Variants in FBXO16 observed in about 807,000 individuals in gnomAD.
FBXO16 encodes the protein F-box protein 16.
A neutral mutation model predicts 41.0 loss-of-function variants in FBXO16; 31 were observed. The ratio of observed to expected loss-of-function variants is 0.76; its 90% CI spans 0.57 to 1.02. The LOEUF (loss-of-function observed/expected upper bound fraction) is 1.02, where lower values mean the gene tolerates loss of function less well. Ranked by LOEUF, FBXO16 falls within the 50% of genes least tolerant of loss-of-function variation. The probability of loss-of-function intolerance (pLI) is 0.00; values close to 1 mark genes in which losing one functional copy is unlikely to be tolerated. For missense variants in FBXO16, 361 were observed against 346.2 expected (o/e 1.04, Z -0.34); for synonymous variants, 133 against 117.8 (o/e 1.13, Z -0.84).
chr8:28,474,364 GAAGA>G, intron 2 of FBXO16, among the ~76,000 whole-genome samples: 1 of 77,580 alleles, frequency 1.3e-5, no homozygotes, highest in South Asian at 4.0e-4. Flanking sequence ...GAGAGAGAAA[GAAGA>G]AAAGAAAAAA....
At chr8:28,477,959 G>A (rs1803449698) in intron 2 of FBXO16, among the ~76,000 whole-genome samples, 1 of 152,306 alleles carries the variant, frequency 6.6e-6, no homozygotes, top group Admixed American at 6.5e-5. Flanking sequence ...GCTGCAGTGA[G>A]CCGTGATTGT....
In FBXO16 at chr8:28,463,659, A is replaced by C. The variant is rs982079628; in HGVS notation, c.295T>G (p.Tyr99Asp). Residue 99 changes from tyrosine (Y) to aspartate (D), a missense_variant, in exon 4 of 9, where the codon TAC becomes GAC. Tyr to Asp is a radical substitution (Grantham distance 160). Transcript: ENST00000380254. The part of the protein sequence containing the change: ...TTKLPRVLSL[Y>D]IFSFLDPRSL... ...CGAGGGTCCAGGAAAGAAAAGATGT[A>C]TAAAGATAACACCCTTGGAAGCTTG... 3.7e-6 allele frequency: 6 copies of C among 1,614,090 alleles called. No homozygotes were observed. In the African/African-American group the frequency reaches 8.0e-5, roughly 22 times the overall value.
intron 3 of FBXO16, among the ~76,000 whole-genome samples, chr8:28,472,296 C>T (rs1187145382): frequency 6.6e-6 from 1 of 152,024 alleles, no homozygotes; most frequent in African/African-American, 2.4e-5. Context: ...TGGGGTCTAA[C>T]TGTTATGTTG....
At chr8:28,480,751 C>T (rs762135165) in intron 2 of FBXO16, among the ~76,000 whole-genome samples, 3 of 152,020 alleles carry the variant, frequency 2.0e-5, no homozygotes, top group Admixed American at 1.3e-4. Flanking sequence ...GTGATCCACT[C>T]GCCTTGGCCT....
chr8:28,462,563 C>T (rs1444396293), intron 4 of FBXO16, among the ~76,000 whole-genome samples: 1 of 152,150 alleles, frequency 6.6e-6, no homozygotes. Context: ...CAGGCGTGAG[C>T]CACCGCGCCC....
At position 28,462,379 on chromosome 8, in the gene FBXO16, C is replaced by T. The variant is rs540155177; in HGVS notation, c.342+1233G>A. On this transcript the variant is annotated intron_variant, in intron 4 of 8. Transcript: ENST00000380254. ...CTGCAAGCTCTGCCTCCCAGGTTCA[C>T]GCCATTCTCCTGCCTCAGCCTCCCG... Among the ~76,000 whole-genome samples the T allele has an allele frequency of 3.4e-4, 52 of 151,406 alleles. No homozygotes were observed. In the East Asian group the frequency reaches 9.9e-3, roughly 29 times the overall value.
chr8:28,432,498 C>G (rs1003969392), intron 7 of FBXO16, among the ~76,000 whole-genome samples: 1 of 151,640 alleles, frequency 6.6e-6, no homozygotes, highest in Admixed American at 6.6e-5. Flanking sequence ...CAAAACAAAA[C>G]AACAACAACA....
At chr8:28,431,172 G>T (rs917491219) in intron 7 of FBXO16, among the ~76,000 whole-genome samples, 1 of 152,030 alleles carries the variant, frequency 6.6e-6, no homozygotes, top group East Asian at 1.9e-4. Flanking sequence ...GTCCAGGCAG[G>T]CTCCTCACAG....
At chr8:28,434,664 A>G (rs942577773) in intron 7 of FBXO16, among the ~76,000 whole-genome samples, 17 of 152,026 alleles carry the variant, frequency 1.1e-4, no homozygotes, top group African/African-American at 3.6e-4. Flanking sequence ...TTTTATTATG[A>G]CTCCCAGTTG....
intron 2 of FBXO16, 23 bp downstream of exon 2, chr8:28,483,325 T>A: frequency 6.3e-7 from 1 of 1,576,418 alleles, no homozygotes; most frequent in Admixed American, 1.9e-5. Flanking sequence ...GATTCAATTG[T>A]TAAAATAGTT....
chr8:28,442,447 G>A (rs925424020), intron 7 of FBXO16, among the ~76,000 whole-genome samples: 10 of 152,044 alleles, frequency 6.6e-5, no homozygotes, highest in Admixed American at 2.0e-4. Context: ...GCAATGGTGC[G>A]ATCTCAAGCC....
At chr8:28,438,716 T>G (rs1299657824) in intron 7 of FBXO16, among the ~76,000 whole-genome samples, 1 of 152,242 alleles carries the variant, frequency 6.6e-6, no homozygotes, top group Non-Finnish European at 1.5e-5. Context: ...TCAGAGAGGT[T>G]ACACAACTTG....
intron 7 of FBXO16, among the ~76,000 whole-genome samples, chr8:28,438,466 G>A (rs554517343): frequency 6.6e-6 from 1 of 152,302 alleles, no homozygotes; most frequent in Admixed American, 6.5e-5. Flanking sequence ...ATGCCTTCTG[G>A]CTGCCTGGCA....
At chr8:28,434,614 A>C (rs1802659321) in intron 7 of FBXO16, among the ~76,000 whole-genome samples, 5 of 152,198 alleles carry the variant, frequency 3.3e-5, no homozygotes, top group Admixed American at 3.3e-4. Flanking sequence ...ACTTTGTAGA[A>C]GATTCACCTC....
At chr8:28,435,717 G>A (rs1802677847) in intron 7 of FBXO16, among the ~76,000 whole-genome samples, 2 of 152,174 alleles carry the variant, frequency 1.3e-5, no homozygotes, top group South Asian at 2.1e-4. Flanking sequence ...TTAGGAAAGG[G>A]TAGGTACATG....
chr8:28,449,315 CTTTTTTTTTTTTTTT>C (rs59021779), intron 6 of FBXO16, among the ~76,000 whole-genome samples: 1 of 94,842 alleles, frequency 1.1e-5, no homozygotes, highest in African/African-American at 4.3e-5. Flanking sequence ...ATGTAGACTT[CTTTTTTTTTTTTTTT>C]TTTTTTTTTG....
chr8:28,458,557 T>C (rs561434473), intron 4 of FBXO16, among the ~76,000 whole-genome samples: 12,530 of 143,592 alleles, frequency 0.087, 1,021 homozygotes, highest in African/African-American at 0.22. Context: ...TTTTTTTTTT[T>C]TTTTTTTTTT....
chr8:28,435,755 CAG>C (rs927008091), intron 7 of FBXO16, among the ~76,000 whole-genome samples: 9 of 152,238 alleles, frequency 5.9e-5, no homozygotes, highest in Admixed American at 5.2e-4. Flanking sequence ...GGGGATCAAT[CAG>C]GGGAAAGCAC....
intron 1 of FBXO16, among the ~76,000 whole-genome samples, chr8:28,484,938 C>G (rs944083450): frequency 4.0e-5 from 6 of 151,890 alleles, no homozygotes; most frequent in South Asian, 2.1e-4. Flanking sequence ...TGCAGTGACA[C>G]GATCTCGGCT....
Sources: gnomAD v4.1 joint callset for allele counts (sites outside exome capture counted in the v4.1 genomes callset) on GRCh38, gnomAD v4.1.1 for gene constraint, MANE v1.5 for transcripts, NCBI Gene and HGNC (gene_info 2026-07-23, HGNC 2026-07-21) for gene names.